The following TAF1 variants were observed in gnomAD, a reference collection of about 807,000 sequenced individuals.
TAF1 encodes TATA-box binding protein associated factor 1, also known as transcription initiation factor TFIID subunit 1.
In TAF1, 2 loss-of-function variants were observed where a neutral mutation model predicts 138.5. That is an observed-to-expected ratio of 0.01 (90% CI 0.01 to 0.05). The LOEUF is 0.05. TAF1 is among the 10% of genes least tolerant of loss of function. The pLI is 1.00. For missense variants in TAF1, 709 were observed against 1,478.0 expected (o/e 0.48, Z 8.53); for synonymous variants, 437 against 503.2 (o/e 0.87, Z 1.76).
At chrX:71,422,889 G>A (rs1002001258) in intron 29 of TAF1, among the ~76,000 whole-genome samples, 2 of 110,551 alleles carry the variant, frequency 1.8e-5, no homozygotes, top group African/African-American at 3.3e-5. Flanking sequence ...ATAGGCGCCC[G>A]CCACCACGCC....
chrX:71,433,571 A>C (rs2036995021), intron 32 of TAF1, among the ~76,000 whole-genome samples: 1 of 111,221 alleles, frequency 9.0e-6, no homozygotes, highest in Non-Finnish European at 1.9e-5. Context: ...GTGTTGCTAG[A>C]TAACTGAATT....
At chrX:71,367,109 C>G (rs1345658694) in intron 1 of TAF1, among the ~76,000 whole-genome samples, 3 of 112,219 alleles carry the variant, frequency 2.7e-5, no homozygotes, top group Non-Finnish European at 5.6e-5. Context: ...GCTGTGGCCC[C>G]TCCTGTGCCG....
At chrX:71,508,851 G>A (rs767174088) in intron 13 of TAF1, among the ~76,000 whole-genome samples, 5 of 107,458 alleles carry the variant, frequency 4.7e-5, no homozygotes, top group Non-Finnish European at 9.6e-5. Context: ...CTGTTGCCGA[G>A]CCTGGAGTGC....
At chrX:71,520,516 T>C (rs1231355817) in intron 13 of TAF1, among the ~76,000 whole-genome samples, 2 of 93,889 alleles carry the variant, frequency 2.1e-5, no homozygotes, top group African/African-American at 7.8e-5. Context: ...CCCCCGTCTC[T>C]ACTAAAAATA....
At chrX:71,444,737 A>G (rs2037603152) in intron 32 of TAF1, among the ~76,000 whole-genome samples, 1 of 109,029 alleles carries the variant, frequency 9.2e-6, no homozygotes, top group African/African-American at 3.3e-5. Context: ...CAGTGTTTGT[A>G]TCTCTCTCTC....
rs764623918 is a variant in TAF1 at position 71,459,688 on chromosome X, A to G, written c.5201A>G (p.Glu1734Gly). ...DDEEDAGSDE[E>G]GDNPFSAIQL... ...GAGGAAGATGCTGGGAGTGATGAAG[A>G]AGGAGACAATCCTTTCTCTGGTAGG... The change falls in exon 36 of 38, where the codon GAA becomes GGA. Residue 1734 changes from glutamate to glycine, a missense_variant. This residue lies in a region of TAF1 where 123 missense variants were observed against 174.7 expected (regional missense o/e 0.70). Coordinates refer to ENST00000423759, the MANE Select transcript of TAF1 (RefSeq NM_004606.5). 4.1e-6 allele frequency: 5 copies of G among 1,211,128 alleles called. No individual in the cohort carries two copies. The highest frequency in any genetic ancestry group is 5.6e-6 in the Non-Finnish European group (5 of 895,142).
chrX:71,442,991 C>T (rs1184627260), intron 32 of TAF1, among the ~76,000 whole-genome samples: 1 of 111,612 alleles, frequency 9.0e-6, no homozygotes, highest in South Asian at 3.7e-4. Flanking sequence ...GGTATTATTT[C>T]TGAGGCCTCT....
intron 35 of TAF1, chrX:71,459,263 T>C: frequency 8.8e-7 from 1 of 1,136,460 alleles, no homozygotes; most frequent in Non-Finnish European, 1.2e-6. Flanking sequence ...TGAGTATGCT[T>C]ATAGAAAGCT....
At position 71,382,762 on chromosome X, in the gene TAF1, A is replaced by G. The variant is rs1382471029; in HGVS notation, c.1667A>G (p.Asn556Ser). 8.3e-7 allele frequency: 1 copy of G among 1,208,552 alleles called. No homozygotes were observed. Among genetic ancestry groups the G allele is most frequent in the Non-Finnish European group, 1.1e-6 (1 of 894,263 alleles). ...TGVIKEEPQQ[N>S]MSQPEVKDPW... ...ATTTGTTTGATTATCTATCATTAGAACATGTCTCAGCCAGAAGTGAAAGAT... is the reference window on the plus strand; with the variant it reads ...ATTTGTTTGATTATCTATCATTAGAGCATGTCTCAGCCAGAAGTGAAAGAT... The change falls in exon 11 of 38, where the codon AAC becomes AGC. Residue 556 changes from asparagine (N) to serine (S), a missense_variant and splice_region_variant. Transcript: ENST00000423759.
intron 13 of TAF1, among the ~76,000 whole-genome samples, chrX:71,498,995 C>T (rs1285690288): frequency 1.8e-5 from 2 of 111,430 alleles, no homozygotes; most frequent in Non-Finnish European, 3.8e-5. Context: ...ATACCCGGGG[C>T]TCAGTGAGGG....
intron 32 of TAF1, chrX:71,441,737 A>G (rs2037438181): frequency 3.9e-6 from 1 of 257,773 alleles, no homozygotes; most frequent in Non-Finnish European, 7.1e-6. Flanking sequence ...TTAAATATAT[A>G]TACATGTGCC....
intron 18 of TAF1, among the ~76,000 whole-genome samples, chrX:71,390,126 T>A (rs1172301665): frequency 8.9e-6 from 1 of 112,235 alleles, no homozygotes; most frequent in Non-Finnish European, 1.9e-5. Flanking sequence ...TCCTCGTGCC[T>A]TGGCCTCCCA....
intron 29 of TAF1, among the ~76,000 whole-genome samples, chrX:71,422,640 C>T (rs1436716841): frequency 9.0e-6 from 1 of 110,696 alleles, no homozygotes; most frequent in African/African-American, 3.3e-5. Context: ...TATCATTTAT[C>T]TTGACTTTTT....
intron 22 of TAF1, among the ~76,000 whole-genome samples, chrX:71,395,077 A>C (rs1477520804): frequency 8.9e-6 from 1 of 111,822 alleles, no homozygotes; most frequent in Non-Finnish European, 1.9e-5. Context: ...AGAGTTTTAA[A>C]ATTGTAGAAA....
downstream of TAF1, among the ~76,000 whole-genome samples, chrX:71,468,684 CAAAAAAAA>C (rs765313817): frequency 1.6e-5 from 1 of 61,254 alleles, no homozygotes; most frequent in Non-Finnish European, 3.1e-5. Flanking sequence ...GACTCCCTCT[CAAAAAAAA>C]AAAAAAAAAA....
intron 16 of TAF1, 80 bp downstream of exon 16, chrX:71,388,458 A>G: frequency 8.9e-7 from 1 of 1,124,294 alleles, no homozygotes; most frequent in Non-Finnish European, 1.2e-6. Flanking sequence ...GGATAAGCAT[A>G]TAGTTAATAA....
intron 25 of TAF1, among the ~76,000 whole-genome samples, chrX:71,402,902 G>A (rs1462398973): frequency 9.0e-6 from 1 of 110,757 alleles, no homozygotes; most frequent in African/African-American, 3.3e-5. Context: ...GTCTTCCCTA[G>A]TTGTCTCAGT....
At chrX:71,452,281 G>A (rs1465928486) in intron 32 of TAF1, among the ~76,000 whole-genome samples, 5 of 109,340 alleles carry the variant, frequency 4.6e-5, no homozygotes, top group South Asian at 8.0e-4. Flanking sequence ...GCTGCCGGGC[G>A]GAGGGGCTCC....
chrX:71,379,586 T>G (rs1377338536), intron 8 of TAF1, among the ~76,000 whole-genome samples: 5 of 100,610 alleles, frequency 5.0e-5, no homozygotes, highest in Admixed American at 2.4e-4. Flanking sequence ...TAAAAACATG[T>G]GATAAAGATC....
Sources: gnomAD v4.1 joint callset for allele counts (sites outside exome capture counted in the v4.1 genomes callset) on GRCh38, gnomAD v4.1.1 for gene constraint, gnomAD v4.1.1 regional missense constraint, MANE v1.5 for transcripts, NCBI Gene and HGNC (gene_info 2026-07-23, HGNC 2026-07-21) for gene names.